PRKN: variants seen among roughly 807,000 people sequenced by gnomAD.
PRKN encodes the protein E3 ubiquitin-protein ligase parkin.
A neutral mutation model predicts 59.5 loss-of-function variants in PRKN; 56 were observed. That is an observed-to-expected ratio of 0.94 (90% confidence interval 0.76 to 1.18). The LOEUF (loss-of-function observed/expected upper bound fraction) is 1.18, where lower values mean the gene tolerates loss of function less well. PRKN is among the 50% of genes most tolerant of loss of function. PRKN has a pLI of 0.00. For missense variants in PRKN, 657 were observed against 596.4 expected (o/e 1.10, Z -1.06); for synonymous variants, 250 against 222.1 (o/e 1.13, Z -1.12).
chr6:162,429,850 C>T (rs556868300), intron 2 of PRKN, among the ~76,000 whole-genome samples: 53 of 152,216 alleles, frequency 3.5e-4, no homozygotes, highest in African/African-American at 1.3e-3. Flanking sequence ...TCTAAATTCC[C>T]GAAGATTATG....
At chr6:162,243,359 C>T (rs1779069765) in intron 3 of PRKN, among the ~76,000 whole-genome samples, 4 of 152,058 alleles carry the variant, frequency 2.6e-5, no homozygotes, top group Admixed American at 6.6e-5. Flanking sequence ...TCAATGACAG[C>T]TCTTCAGCAT....
At chr6:162,293,414 C>T (rs1044118422) in intron 2 of PRKN, among the ~76,000 whole-genome samples, 3 of 152,204 alleles carry the variant, frequency 2.0e-5, no homozygotes, top group Admixed American at 6.5e-5. Flanking sequence ...ATTTGGAATT[C>T]TAAATCCATG....
At chr6:162,457,132 C>A (rs1428558715) in intron 1 of PRKN, among the ~76,000 whole-genome samples, 1 of 152,098 alleles carries the variant, frequency 6.6e-6, no homozygotes, top group Non-Finnish European at 1.5e-5. Context: ...TTAAAAGCTT[C>A]CAGTACTGAT....
chr6:161,459,578 G>T lies in PRKN; in HGVS notation c.1084-72701C>A, dbSNP rs1402857160. On this transcript the variant is annotated intron_variant, in intron 9 of 11. Transcript: ENST00000366898. The surrounding 1 kb of genome is among the most constrained non-coding windows in gnomAD (Gnocchi z 4.8). ...GAGCTTCTGGCACACAGGGTAGCAG[G>T]CCTTCCTGATGCCCCAGCTTCTCTG... Among the ~76,000 whole-genome samples the T allele has an allele frequency of 2.0e-5, 3 of 152,152 alleles. No individual in the cohort carries two copies. Among genetic ancestry groups the T allele is most frequent in the Non-Finnish European group, 4.4e-5 (3 of 68,026 alleles).
chr6:161,425,512 T>C (rs1453271686), intron 9 of PRKN, among the ~76,000 whole-genome samples: 2 of 148,128 alleles, frequency 1.4e-5, no homozygotes, highest in East Asian at 2.0e-4. Context: ...CGTGGTCCGA[T>C]TGGTGTCCAA....
At chr6:162,716,245 A>G (rs550983450) in intron 1 of PRKN, among the ~76,000 whole-genome samples, 10 of 152,266 alleles carry the variant, frequency 6.6e-5, no homozygotes, top group Non-Finnish European at 1.5e-4. Flanking sequence ...CTAACAATGT[A>G]TAAGGGAATA....
chr6:161,724,211 G>A (rs112258917), intron 7 of PRKN, among the ~76,000 whole-genome samples: 18 of 152,310 alleles, frequency 1.2e-4, no homozygotes, highest in African/African-American at 4.3e-4. Context: ...AGAGGGGAAC[G>A]GCTGAAGAGC....
chr6:162,258,529 T>C (rs1779751007), intron 3 of PRKN, among the ~76,000 whole-genome samples: 1 of 109,100 alleles, frequency 9.2e-6, no homozygotes, highest in Non-Finnish European at 1.7e-5. Flanking sequence ...ATTGAAAATG[T>C]AGTAAAAATA....
chr6:161,441,673 G>A (rs112448241), intron 9 of PRKN, among the ~76,000 whole-genome samples: 3,691 of 141,080 alleles, frequency 0.026, 183 homozygotes, highest in African/African-American at 0.093. Context: ...AAAAAAAAAG[G>A]ATCTGAGGAT....
chr6:162,329,108 G>GCTAA (rs1277851364), intron 2 of PRKN, among the ~76,000 whole-genome samples: 3 of 152,124 alleles, frequency 2.0e-5, no homozygotes, highest in Non-Finnish European at 4.4e-5. Flanking sequence ...AAATATAATG[G>GCTAA]CTAACTCTTT....
chr6:161,503,245 T>C lies in PRKN; in HGVS notation c.1083+45609A>G, dbSNP rs1313495178. ...GGAGGGTAGAACGGGAGGGGGCTGC[T>C]GCTGTACCGTAGAGTCTTGATGAAT... On this transcript the variant is annotated intron_variant, in intron 9 of 11. Transcript: ENST00000366898. This position sits in a 1 kb window ranked among gnomAD's most constrained non-coding sequence, Gnocchi z 5.1. 2.0e-5 allele frequency among the ~76,000 whole-genome samples: 3 copies of C among 152,114 alleles called. No homozygotes were observed. Among genetic ancestry groups the C allele is most frequent in the Non-Finnish European group, 4.4e-5 (3 of 68,004 alleles).
chr6:161,964,270 A>G (rs185054812), intron 6 of PRKN, among the ~76,000 whole-genome samples: 10 of 152,156 alleles, frequency 6.6e-5, no homozygotes, highest in Admixed American at 6.5e-4. Context: ...ATTATTTTAA[A>G]TCAATGTAGC....
chr6:161,694,455 A>G (rs1454176249), intron 7 of PRKN, among the ~76,000 whole-genome samples: 1 of 152,158 alleles, frequency 6.6e-6, no homozygotes, highest in Non-Finnish European at 1.5e-5. Context: ...CACAGTGTGC[A>G]ATTTATAACT....
intron 6 of PRKN, among the ~76,000 whole-genome samples, chr6:161,874,276 T>TATTACATGTAAA (rs1562354660): frequency 3.2e-5 from 1 of 31,406 alleles, no homozygotes; most frequent in African/African-American, 1.2e-4. Flanking sequence ...ATATATAATA[T>TATTACATGTAAA]ATATTATATA....
chr6:161,722,997 G>A (rs1015793210), intron 7 of PRKN, among the ~76,000 whole-genome samples: 5 of 152,128 alleles, frequency 3.3e-5, no homozygotes, highest in Non-Finnish European at 5.9e-5. Flanking sequence ...GGCTGGGCAC[G>A]GTGGCTCATG....
chr6:162,427,842 G>T (rs1188654417), intron 2 of PRKN, among the ~76,000 whole-genome samples: 2 of 151,924 alleles, frequency 1.3e-5, no homozygotes, highest in African/African-American at 4.8e-5. Flanking sequence ...TTGAGACGGG[G>T]TAATAAATGT....
At chr6:161,846,266 A>G (rs1035020651) in intron 6 of PRKN, among the ~76,000 whole-genome samples, 1 of 152,200 alleles carries the variant, frequency 6.6e-6, no homozygotes, top group Non-Finnish European at 1.5e-5. Flanking sequence ...TCCTGCTCAC[A>G]TATAATTTTA....
chr6:161,439,703 A>ATAT (rs1789105625), intron 9 of PRKN, among the ~76,000 whole-genome samples: 1 of 151,496 alleles, frequency 6.6e-6, no homozygotes, highest in African/African-American at 2.4e-5. Flanking sequence ...AGGAAGCTAG[A>ATAT]TTTTTTTTTA....
chr6:161,520,386 G>T (rs373486338), intron 9 of PRKN, among the ~76,000 whole-genome samples: 1 of 151,828 alleles, frequency 6.6e-6, no homozygotes, highest in Non-Finnish European at 1.5e-5. Flanking sequence ...CACCAGGCCC[G>T]GCTAATTTTT....
Sources: allele counts gnomAD v4.1 joint callset (sites outside exome capture counted in the v4.1 genomes callset), GRCh38; gene constraint gnomAD v4.1.1; non-coding constraint Gnocchi (gnomAD v3.1); transcripts MANE v1.5; gene names NCBI Gene and HGNC (gene_info 2026-07-23, HGNC 2026-07-21).